RABGAP1L: variants seen among roughly 807,000 people sequenced by gnomAD.
RABGAP1L encodes rab GTPase-activating protein 1-like.
Under a neutral mutation model 137.7 loss-of-function variants are expected in RABGAP1L, and 63 were observed. That is an observed-to-expected ratio of 0.46 (90% CI 0.37 to 0.56). RABGAP1L has a LOEUF of 0.56. RABGAP1L is among the 20% of genes least tolerant of loss of function. RABGAP1L has a pLI of 0.00. For missense variants in RABGAP1L, 1,095 were observed against 1,244.0 expected (o/e 0.88, Z 1.80); for synonymous variants, 431 against 433.7 (o/e 0.99, Z 0.08).
At chr1:174,776,599 C>T (rs76265395) in intron 18 of RABGAP1L, among the ~76,000 whole-genome samples, 3,220 of 152,172 alleles carry the variant, frequency 0.021, 54 homozygotes, top group Middle Eastern at 0.085. Flanking sequence ...GCATTCAGTT[C>T]CTTCTGAGTA....
Position 174,338,502 on chromosome 1 carries a change from T to C in RABGAP1L, c.1466-32477T>C, listed in dbSNP as rs183814197. Among the ~76,000 whole-genome samples, 439 of 152,024 alleles carry C rather than the reference T, an allele frequency of 2.9e-3. 1 individual carries two copies. Among genetic ancestry groups the C allele is most frequent in the African/African-American group, 9.8e-3 (406 of 41,514 alleles). On this transcript the variant is annotated intron_variant, in intron 11 of 25. Coordinates refer to ENST00000681986, the MANE Select transcript of RABGAP1L (RefSeq NM_001366446.1). ...GTTTTTGTCACTGGAGAGTTTATTA[T>C]CCTGTTTTTAACTGGTGGAAAATTT...
chr1:174,727,683 C>T (rs1377060527), intron 17 of RABGAP1L, among the ~76,000 whole-genome samples: 1 of 152,166 alleles, frequency 6.6e-6, no homozygotes, highest in Non-Finnish European at 1.5e-5. Context: ...GGTTCTGTGT[C>T]TTCACACCAC....
At chr1:174,823,878 C>T (rs949095325) in intron 19 of RABGAP1L, among the ~76,000 whole-genome samples, 1 of 152,118 alleles carries the variant, frequency 6.6e-6, no homozygotes, top group African/African-American at 2.4e-5. Context: ...GGGTAAGTGG[C>T]TCATGCCTGT....
At chr1:174,653,339 A>T (rs1323849110) in intron 14 of RABGAP1L, among the ~76,000 whole-genome samples, 3 of 151,954 alleles carry the variant, frequency 2.0e-5, no homozygotes, top group African/African-American at 7.2e-5. Flanking sequence ...CTGGGGTATT[A>T]AAAAAAACTC....
chr1:174,674,532 G>T (rs1175994805), intron 14 of RABGAP1L, among the ~76,000 whole-genome samples: 1 of 151,392 alleles, frequency 6.6e-6, no homozygotes, highest in Admixed American at 6.6e-5. Context: ...ATTGTGAATA[G>T]TGCCGCAATA....
chr1:174,650,007 C>T (rs1413572106), intron 14 of RABGAP1L, among the ~76,000 whole-genome samples: 1 of 152,102 alleles, frequency 6.6e-6, no homozygotes, highest in African/African-American at 2.4e-5. Context: ...AGATACGTCC[C>T]ATCAATACCT....
At chr1:174,959,616 G>A (rs1668905754) in intron 20 of RABGAP1L, among the ~76,000 whole-genome samples, 1 of 152,156 alleles carries the variant, frequency 6.6e-6, no homozygotes, top group Non-Finnish European at 1.5e-5. Flanking sequence ...TTAAGTTCAA[G>A]TATTGTTGAT....
At chr1:174,454,824 TGAC>T (rs1655864662) in intron 13 of RABGAP1L, among the ~76,000 whole-genome samples, 1 of 152,056 alleles carries the variant, frequency 6.6e-6, no homozygotes, top group Non-Finnish European at 1.5e-5. Context: ...AGTGCTGGGA[TGAC>T]AGGCATGAGC....
chr1:174,866,110 GGAGAGAGAGAGAGAGAGAGA>G (rs34712612), intron 19 of RABGAP1L, among the ~76,000 whole-genome samples: 33 of 65,818 alleles, frequency 5.0e-4, no homozygotes, highest in Admixed American at 1.4e-3. Flanking sequence ...GGAGGGAGGG[GGAGAGAGAGAGAGAGAGAGA>G]GAGAGAGAGA....
At chr1:174,762,363 C>G (rs1315927814) in intron 18 of RABGAP1L, among the ~76,000 whole-genome samples, 1 of 152,174 alleles carries the variant, frequency 6.6e-6, no homozygotes, top group East Asian at 1.9e-4. Flanking sequence ...CTGTCTTTCA[C>G]TTAAGAGTCA....
chr1:174,207,169 C>A (rs1668566726), intron 1 of RABGAP1L, among the ~76,000 whole-genome samples: 1 of 152,046 alleles, frequency 6.6e-6, no homozygotes. Context: ...ACATAAAAAT[C>A]TTTTGTCAGA....
intron 13 of RABGAP1L, among the ~76,000 whole-genome samples, chr1:174,445,011 C>G (rs1208515716): frequency 1.3e-5 from 2 of 151,996 alleles, no homozygotes; most frequent in Admixed American, 6.6e-5. Flanking sequence ...TATCTGCTTT[C>G]TTCATTTGGA....
At chr1:174,828,719 A>C (rs1200899559) in intron 19 of RABGAP1L, among the ~76,000 whole-genome samples, 1 of 148,332 alleles carries the variant, frequency 6.7e-6, no homozygotes, top group East Asian at 2.1e-4. Context: ...TAGTCAAGCA[A>C]ACTCCTATTT....
At chr1:174,970,817 T>G (rs1214448146) in intron 21 of RABGAP1L, among the ~76,000 whole-genome samples, 3 of 152,168 alleles carry the variant, frequency 2.0e-5, no homozygotes, top group Non-Finnish European at 4.4e-5. Flanking sequence ...ATAGAAATAT[T>G]ATTTTATCTA....
chr1:174,311,123 A>G (rs1195553833), intron 11 of RABGAP1L, among the ~76,000 whole-genome samples: 1 of 152,118 alleles, frequency 6.6e-6, no homozygotes, highest in Non-Finnish European at 1.5e-5. Flanking sequence ...GGTACTACCC[A>G]AGATTGGGTA....
chr1:174,433,276 G>A (rs1652853247), intron 13 of RABGAP1L, among the ~76,000 whole-genome samples: 1 of 152,106 alleles, frequency 6.6e-6, no homozygotes, highest in South Asian at 2.1e-4. Context: ...CTTAATAAAT[G>A]TTTATTAAAG....
chr1:174,682,387 A>G (rs1371781195), intron 14 of RABGAP1L, among the ~76,000 whole-genome samples: 1 of 151,628 alleles, frequency 6.6e-6, no homozygotes, highest in South Asian at 2.1e-4. Context: ...TTCAGGGTTC[A>G]GTGACTGGAC....
At chr1:174,446,037 AG>A (rs1335748661) in intron 13 of RABGAP1L, among the ~76,000 whole-genome samples, 8 of 152,216 alleles carry the variant, frequency 5.3e-5, no homozygotes, top group Non-Finnish European at 1.0e-4. Flanking sequence ...TGATTGGGGC[AG>A]GAGGGCCGAG....
chr1:174,943,771 T>G (rs962264276), intron 19 of RABGAP1L, among the ~76,000 whole-genome samples: 22 of 151,728 alleles, frequency 1.4e-4, no homozygotes, highest in African/African-American at 4.8e-4. Context: ...AGGTGGAGGT[T>G]GCAGTGAGCC....
Sources: allele counts gnomAD v4.1 joint callset (sites outside exome capture counted in the v4.1 genomes callset), GRCh38; gene constraint gnomAD v4.1.1; transcripts MANE v1.5; gene names NCBI Gene and HGNC (gene_info 2026-07-23, HGNC 2026-07-21).